The following RBFOX2 variants were observed in gnomAD, a reference collection of about 807,000 sequenced individuals.
RBFOX2 encodes the protein RNA binding protein fox-1 homolog 2.
RBFOX2 carries 10 observed loss-of-function variants against 49.1 expected under a neutral mutation model. The observed-to-expected ratio is 0.20, with a 90% CI of 0.13 to 0.35. The LOEUF (loss-of-function observed/expected upper bound fraction) is 0.35. RBFOX2 is among the 10% of genes least tolerant of loss of function. The probability of loss-of-function intolerance (pLI) is 1.00; values close to 1 mark genes in which losing one functional copy is unlikely to be tolerated. For synonymous variants in RBFOX2, 183 were observed against 187.4 expected, an observed-to-expected ratio of 0.98 and a Z score of 0.19; for missense variants, 323 against 486.9, an observed-to-expected ratio of 0.66 and a Z score of 3.17.
At chr22:35,999,769 C>T (rs183900791) in intron 1 of RBFOX2, 1 of 151,992 alleles carries the variant, frequency 6.6e-6, no homozygotes, top group African/African-American at 2.4e-5. Context: ...TGCATAGGTA[C>T]TACTGTCCAT....
At chr22:36,027,260 C>T (rs1486022213) in intron 1 of RBFOX2, among the ~76,000 whole-genome samples, 1 of 152,106 alleles carries the variant, frequency 6.6e-6, no homozygotes. Flanking sequence ...TCTAGTCCTC[C>T]TAGCATCCCT....
At chr22:35,874,176 T>C (rs534171658) in intron 1 of RBFOX2, among the ~76,000 whole-genome samples, 112 of 152,226 alleles carry the variant, frequency 7.4e-4, no homozygotes, top group Non-Finnish European at 1.2e-3. Flanking sequence ...TTCTAAGAAA[T>C]AATGCTGTGA....
At chr22:35,978,145 T>C (rs529234399) in intron 1 of RBFOX2, among the ~76,000 whole-genome samples, 2 of 152,104 alleles carry the variant, frequency 1.3e-5, no homozygotes, top group African/African-American at 4.8e-5. Context: ...ATATTGGGGA[T>C]AAGGGGAGCC....
intron 1 of RBFOX2, among the ~76,000 whole-genome samples, chr22:36,015,631 G>A (rs2059003810): frequency 6.6e-6 from 1 of 152,196 alleles, no homozygotes; most frequent in Admixed American, 6.5e-5. Context: ...AGAAACAGCA[G>A]GTGAAAGCTG....
At chr22:35,914,958 T>C (rs1038495119) in intron 1 of RBFOX2, among the ~76,000 whole-genome samples, 3 of 152,252 alleles carry the variant, frequency 2.0e-5, no homozygotes, top group African/African-American at 7.2e-5. Context: ...GACAGTTTAA[T>C]ATTTCTCTAG....
exon 12 of RBFOX2, chr22:35,739,479 C>A (rs1289749340): frequency 6.6e-6 from 1 of 152,486 alleles, no homozygotes. Context: ...CAATTCATAT[C>A]CCTTAGGGAA....
intron 1 of RBFOX2, chr22:35,897,125 TC>T: frequency 1.9e-6 from 1 of 521,904 alleles, no homozygotes; most frequent in Non-Finnish European, 3.4e-6. Flanking sequence ...TCTTTTTTTT[TC>T]TTTTTAACCT....
chr22:35,862,974 T>C (rs1409701065), intron 1 of RBFOX2, among the ~76,000 whole-genome samples: 1 of 152,100 alleles, frequency 6.6e-6, no homozygotes, highest in South Asian at 2.1e-4. Context: ...TTAAAAGAGA[T>C]TGAGAATTAT....
chr22:35,809,165 T>C (rs531280863), intron 2 of RBFOX2, among the ~76,000 whole-genome samples: 1 of 152,186 alleles, frequency 6.6e-6, no homozygotes, highest in South Asian at 2.1e-4. Context: ...TGATGATAAA[T>C]TCTTTTAAAT....
chr22:35,781,452 T>C, intron 3 of RBFOX2, 148 bp downstream of exon 4: 1 of 1,098,162 alleles, frequency 9.1e-7, no homozygotes, highest in Non-Finnish European at 1.3e-6. Context: ...AGAAAAAGGC[T>C]TCTAAAGACT....
chr22:35,851,939 A>G (rs2041986927), intron 1 of RBFOX2, among the ~76,000 whole-genome samples: 1 of 152,202 alleles, frequency 6.6e-6, no homozygotes, highest in Non-Finnish European at 1.5e-5. Context: ...TCAAAGCCTC[A>G]TAACATTTCA....
At chr22:35,965,307 G>C (rs1017593801), upstream of RBFOX2, among the ~76,000 whole-genome samples, 1 of 152,314 alleles carries the variant, frequency 6.6e-6, no homozygotes, top group Non-Finnish European at 1.5e-5. Context: ...GACCAGCTAA[G>C]AGAAGGCAAG....
chr22:35,791,150 C>T (rs954698773), intron 2 of RBFOX2, among the ~76,000 whole-genome samples: 1 of 151,790 alleles, frequency 6.6e-6, no homozygotes, highest in East Asian at 1.9e-4. Context: ...TTTGGGAGGC[C>T]GAGGTGGGTG....
chr22:35,849,270 A>AAAACACACACACACACATACACACAC (rs1245199333), intron 1 of RBFOX2, among the ~76,000 whole-genome samples: 1 of 144,744 alleles, frequency 6.9e-6, no homozygotes, highest in Non-Finnish European at 1.5e-5. Context: ...CACCTGGTTC[A>AAAACACACACACACACATACACACAC]AAACACACAC....
At chr22:35,918,429 A>C (rs2050671345) in intron 1 of RBFOX2, among the ~76,000 whole-genome samples, 1 of 152,206 alleles carries the variant, frequency 6.6e-6, no homozygotes. Context: ...CAGCTGAGAA[A>C]GCATACAGGG....
intron 6 of RBFOX2, among the ~76,000 whole-genome samples, chr22:35,764,157 T>A (rs188629682): frequency 6.6e-6 from 1 of 152,202 alleles, no homozygotes; most frequent in Non-Finnish European, 1.5e-5. Context: ...ATTTGTATCA[T>A]CTATGTGAAA....
At chr22:36,010,522 CCTCATT>C (rs547756998) in intron 1 of RBFOX2, among the ~76,000 whole-genome samples, 115 of 152,026 alleles carry the variant, frequency 7.6e-4, no homozygotes, top group African/African-American at 2.7e-3. Context: ...ACCCCACTGG[CCTCATT>C]CTCATTCTCT....
At chr22:35,816,247 A>C (rs546702185) in intron 1 of RBFOX2, among the ~76,000 whole-genome samples, 1 of 152,290 alleles carries the variant, frequency 6.6e-6, no homozygotes, top group South Asian at 2.1e-4. Context: ...TATCTAAAAT[A>C]TTCTCGTTTT....
chr22:35,741,070 G>A (rs887371078), exon 12 of RBFOX2: 1 of 152,234 alleles, frequency 6.6e-6, no homozygotes, highest in African/African-American at 2.4e-5. Context: ...GATGGTGATA[G>A]TAGGTTTTGT....
Sources: gnomAD v4.1 joint callset for allele counts (sites outside exome capture counted in the v4.1 genomes callset) on GRCh38, gnomAD v4.1.1 for gene constraint, MANE v1.5 for transcripts, NCBI Gene and HGNC (gene_info 2026-07-23, HGNC 2026-07-21) for gene names.